The following MSRA variants were observed in gnomAD, a reference collection of about 807,000 sequenced individuals.
The protein encoded by MSRA is mitochondrial peptide methionine sulfoxide reductase.
In MSRA, 54 loss-of-function variants were observed where a neutral mutation model predicts 31.3. That is an observed-to-expected ratio of 1.73 (90% CI 1.39 to 2.17). The LOEUF is 2.17. MSRA is among the 30% of genes most tolerant of loss of function. The probability of loss-of-function intolerance (pLI) is 0.00; values close to 1 mark genes in which losing one functional copy is unlikely to be tolerated. For synonymous variants in MSRA, 169 were observed against 116.5 expected (o/e 1.45, Z -2.90); for missense variants, 507 against 300.9 (o/e 1.69, Z -5.07).
chr8:10,360,132 G>A (rs757052512), intron 5 of MSRA, among the ~76,000 whole-genome samples: 11 of 152,186 alleles, frequency 7.2e-5, no homozygotes, highest in Non-Finnish European at 1.3e-4. Context: ...GTGTGCTGCT[G>A]CTGCTGGAGT....
intron 5 of MSRA, among the ~76,000 whole-genome samples, chr8:10,323,089 CAA>C (rs34539032): frequency 2.0e-3 from 219 of 112,276 alleles, no homozygotes; most frequent in African/African-American, 4.1e-3. Flanking sequence ...GACTCCATCT[CAA>C]AAAAAAAAAA....
chr8:10,302,379 A>G (rs929548622), intron 4 of MSRA, among the ~76,000 whole-genome samples: 3 of 152,276 alleles, frequency 2.0e-5, no homozygotes, highest in African/African-American at 7.2e-5. Flanking sequence ...TATGAACTGA[A>G]AAGTCCTATG....
At chr8:10,317,689 C>T (rs1323303961) in intron 4 of MSRA, among the ~76,000 whole-genome samples, 2 of 152,178 alleles carry the variant, frequency 1.3e-5, no homozygotes, top group Non-Finnish European at 2.9e-5. Flanking sequence ...CACTGAAAGT[C>T]CACTGCTTGC....
At chr8:10,120,436 A>G (rs904760412) in intron 1 of MSRA, among the ~76,000 whole-genome samples, 2 of 152,180 alleles carry the variant, frequency 1.3e-5, no homozygotes, top group African/African-American at 4.8e-5. Context: ...AACATGTACA[A>G]AAGGGTAGTG....
chr8:10,256,120 C>T (rs956317864), intron 3 of MSRA, among the ~76,000 whole-genome samples: 10 of 152,248 alleles, frequency 6.6e-5, no homozygotes, highest in African/African-American at 2.2e-4. Context: ...CTGTGCTCAG[C>T]CTATTCAGCC....
rs557305054 is a variant in MSRA at position 10,111,941 on chromosome 8, C to T, written c.142+57283C>T. On this transcript the variant is annotated intron_variant, in intron 1 of 5. Coordinates refer to ENST00000317173, the MANE Select transcript of MSRA (RefSeq NM_012331.5). ...TCCTTGCAGCAGCTGAGGTCATAGC[C>T]GCTTCTTCCTGATGTTGGGTTTTTG... Among the ~76,000 whole-genome samples the T allele has an allele frequency of 3.9e-5, 6 of 152,184 alleles. No individual in the cohort carries two copies. The East Asian group carries it at 5.8e-4, about 15-fold the overall frequency.
chr8:10,103,262 A>C (rs1799654812), intron 1 of MSRA, among the ~76,000 whole-genome samples: 1 of 152,226 alleles, frequency 6.6e-6, no homozygotes, highest in Non-Finnish European at 1.5e-5. Context: ...GATTTGACTG[A>C]AGGCTTTAAA....
chr8:10,355,293 G>A (rs1212986983), intron 5 of MSRA, among the ~76,000 whole-genome samples: 2 of 152,198 alleles, frequency 1.3e-5, no homozygotes, highest in African/African-American at 4.8e-5. Flanking sequence ...GATGAATGGA[G>A]AGGAAATAGG....
intron 1 of MSRA, among the ~76,000 whole-genome samples, chr8:10,140,314 A>T (rs372063963): frequency 6.6e-6 from 1 of 152,326 alleles, no homozygotes; most frequent in East Asian, 1.9e-4. Context: ...GAAGGGCAGG[A>T]AAAGGGCATA....
intron 1 of MSRA, among the ~76,000 whole-genome samples, chr8:10,136,135 C>G (rs1488775103): frequency 6.6e-6 from 1 of 152,186 alleles, no homozygotes; most frequent in East Asian, 1.9e-4. Flanking sequence ...TGGGCTGTAA[C>G]TTAGAAGTCA....
At chr8:10,127,111 C>T (rs1250768716) in intron 1 of MSRA, among the ~76,000 whole-genome samples, 2 of 152,194 alleles carry the variant, frequency 1.3e-5, no homozygotes, top group African/African-American at 2.4e-5. Flanking sequence ...TATTCTTAGT[C>T]CTTCTTGCAA....
intron 1 of MSRA, among the ~76,000 whole-genome samples, chr8:10,071,190 G>C (rs1253533018): frequency 6.6e-6 from 1 of 152,164 alleles, no homozygotes; most frequent in Non-Finnish European, 1.5e-5. Context: ...TTTTATTTTA[G>C]CCATTCTGAT....
rs547769407 is a variant in MSRA, at chr8:10,072,922, A to G, written c.142+18264A>G. On this transcript the variant is annotated intron_variant, in intron 1 of 5. Transcript: ENST00000317173. Reference sequence around the variant, plus strand: ...ACCTGTTCATTGATAGTATTTAAAAATGCAGTTGATTTTGGGATGTTGATC... The same window carrying G: ...ACCTGTTCATTGATAGTATTTAAAAGTGCAGTTGATTTTGGGATGTTGATC... Among the ~76,000 whole-genome samples, 14 of 152,346 alleles carry G rather than the reference A, an allele frequency of 9.2e-5. No homozygotes were observed. The South Asian group carries it at 2.5e-3, about 27-fold the overall frequency.
At chr8:10,157,936 C>A (rs1196398822) in intron 1 of MSRA, among the ~76,000 whole-genome samples, 7 of 152,106 alleles carry the variant, frequency 4.6e-5, no homozygotes, top group African/African-American at 1.7e-4. Context: ...TTCCATTGGG[C>A]TACTATAACA....
chr8:10,258,489 G>A (rs964613866), intron 3 of MSRA, among the ~76,000 whole-genome samples: 1 of 152,106 alleles, frequency 6.6e-6, no homozygotes, highest in Non-Finnish European at 1.5e-5. Context: ...CCTGGAGCAG[G>A]CCTTGCTCTC....
At chr8:10,082,341 C>G (rs530774413) in intron 1 of MSRA, among the ~76,000 whole-genome samples, 2 of 152,104 alleles carry the variant, frequency 1.3e-5, no homozygotes, top group Non-Finnish European at 2.9e-5. Flanking sequence ...GCACACATCA[C>G]GGAAGGGGGA....
chr8:10,319,333 C>G (rs1801910523), intron 4 of MSRA, among the ~76,000 whole-genome samples: 4 of 152,186 alleles, frequency 2.6e-5, no homozygotes. Context: ...CACCCTTCAG[C>G]TGCTGAGACT....
chr8:10,070,236 G>A (rs1188330489), intron 1 of MSRA, among the ~76,000 whole-genome samples: 1 of 152,184 alleles, frequency 6.6e-6, no homozygotes, highest in Admixed American at 6.5e-5. Context: ...ATTTGGATTG[G>A]TTTCTAAGTA....
At chr8:10,316,838 T>A (rs1340526643) in intron 4 of MSRA, among the ~76,000 whole-genome samples, 4 of 152,114 alleles carry the variant, frequency 2.6e-5, no homozygotes, top group Non-Finnish European at 5.9e-5. Flanking sequence ...CTCATCCACC[T>A]AGGGGAGGAC....
Sources: allele counts gnomAD v4.1 joint callset (sites outside exome capture counted in the v4.1 genomes callset), GRCh38; gene constraint gnomAD v4.1.1; transcripts MANE v1.5; gene names NCBI Gene and HGNC (gene_info 2026-07-23, HGNC 2026-07-21).